OXR1: variants seen among roughly 807,000 people sequenced by gnomAD.
OXR1 encodes the protein oxidation resistance protein 1.
A neutral mutation model predicts 104.6 loss-of-function variants in OXR1; 41 were observed. That is an observed-to-expected ratio of 0.39 (90% CI 0.31 to 0.51). The LOEUF is 0.51. OXR1 is among the 20% of genes least tolerant of loss of function. The pLI is 0.77. For synonymous variants in OXR1, 348 were observed against 348.4 expected (o/e 1.00, Z 0.01); for missense variants, 955 against 1,031.9 (o/e 0.93, Z 1.02).
chr8:106,405,173 T>C lies in OXR1; in HGVS notation c.23+45537T>C, dbSNP rs1456626581. Among the ~76,000 whole-genome samples the C allele has an allele frequency of 3.2e-3, 113 of 35,182 alleles. 4 individuals carry two copies. The highest frequency in any genetic ancestry group is 0.019 in the African/African-American group (110 of 5,734). The allele number at this position is 35,182 out of a possible 152,430, so 23.1% of individuals were successfully genotyped here. A position where few individuals can be genotyped will look rare whatever the true frequency, so the allele number is the denominator to read the frequency against. ...ATATATATATATATATATATATATA[T>C]ATATATATATATATATATATATATA... On this transcript the variant is annotated intron_variant, in intron 2 of 16. Coordinates refer to ENST00000517566, the MANE Select transcript of OXR1 (RefSeq NM_001198533.2).
At chr8:106,410,003 C>T (rs1349799794) in intron 2 of OXR1, among the ~76,000 whole-genome samples, 2 of 139,304 alleles carry the variant, frequency 1.4e-5, no homozygotes, top group South Asian at 4.3e-4. Context: ...CACACAAACA[C>T]ACACACACAC....
At chr8:106,723,336 AAAATAAAATAC>A (rs1832998363) in intron 11 of OXR1, among the ~76,000 whole-genome samples, 1 of 152,046 alleles carries the variant, frequency 6.6e-6, no homozygotes, top group African/African-American at 2.4e-5. Flanking sequence ...CTAAAAATAT[AAAATAAAATAC>A]AATAGCCAGG....
intron 3 of OXR1, among the ~76,000 whole-genome samples, chr8:106,538,349 C>A (rs1443987806): frequency 6.6e-6 from 1 of 152,104 alleles, no homozygotes; most frequent in Non-Finnish European, 1.5e-5. Flanking sequence ...TTATCTTCAG[C>A]ATTGATTTGA....
intron 2 of OXR1, among the ~76,000 whole-genome samples, chr8:106,477,028 C>T (rs1821844659): frequency 6.6e-6 from 1 of 151,944 alleles, no homozygotes; most frequent in Non-Finnish European, 1.5e-5. Context: ...ATGCTGGATT[C>T]ACTTATCCTG....
chr8:106,665,554 A>C (rs1236013268), intron 3 of OXR1, among the ~76,000 whole-genome samples: 1 of 152,204 alleles, frequency 6.6e-6, no homozygotes, highest in African/African-American at 2.4e-5. Flanking sequence ...GAAAGTGTTA[A>C]AATTTGCTAG....
intron 1 of OXR1, among the ~76,000 whole-genome samples, chr8:106,350,225 T>C (rs1815667601): frequency 6.6e-6 from 1 of 152,218 alleles, no homozygotes; most frequent in Non-Finnish European, 1.5e-5. Context: ...GTTGTCTTTA[T>C]AGTTCATATA....
chr8:106,287,452 C>T (rs1448248734), intron 1 of OXR1, among the ~76,000 whole-genome samples: 1 of 152,040 alleles, frequency 6.6e-6, no homozygotes, highest in African/African-American at 2.4e-5. Flanking sequence ...CAGTGTCATC[C>T]AAGGTGTGGT....
intron 1 of OXR1, among the ~76,000 whole-genome samples, chr8:106,359,090 TC>T (rs1459931275): frequency 8.1e-6 from 1 of 122,850 alleles, no homozygotes. Flanking sequence ...TTTCTTTCTT[TC>T]TTTCTTTCTT....
intron 3 of OXR1, among the ~76,000 whole-genome samples, chr8:106,575,978 T>C (rs1817796189): frequency 8.7e-6 from 1 of 114,528 alleles, no homozygotes. Context: ...GAGATAGAAA[T>C]GTTTATAACA....
intron 13 of OXR1, among the ~76,000 whole-genome samples, chr8:106,739,935 G>A (rs1458179752): frequency 6.6e-6 from 1 of 152,114 alleles, no homozygotes; most frequent in Non-Finnish European, 1.5e-5. Context: ...ACTTGTTCAA[G>A]GTCACACAGG....
chr8:106,706,741 C>A lies in OXR1; in HGVS notation c.1220C>A (p.Thr407Asn). 6.2e-7 allele frequency: 1 copy of A among 1,612,028 alleles called. No homozygotes were observed. The highest frequency in any genetic ancestry group is 8.5e-7 in the Non-Finnish European group (1 of 1,179,508). Residue 407 changes from threonine to asparagine, a missense_variant, in exon 9 of 17, where the codon ACT becomes AAT. This residue lies in a region of OXR1 where 849 missense variants were observed against 852.9 expected (regional missense o/e 1.00). Coordinates refer to ENST00000517566, the MANE Select transcript of OXR1 (RefSeq NM_001198533.2). ...DTEHSTNEVG[T>N]LCHKTDLNNL... ...GAACATTCTACAAATGAAGTTGGGA[C>A]TTTATGTCATAAAACTGATTTAAAT...
intron 3 of OXR1, among the ~76,000 whole-genome samples, chr8:106,615,846 G>A (rs987850918): frequency 1.3e-5 from 2 of 152,014 alleles, no homozygotes; most frequent in Non-Finnish European, 2.9e-5. Flanking sequence ...CATCTCCCAG[G>A]GTGGTTGTGT....
chr8:106,304,448 T>G (rs1586498071), intron 1 of OXR1, among the ~76,000 whole-genome samples: 1 of 152,174 alleles, frequency 6.6e-6, no homozygotes. Context: ...AGAAGTTCAT[T>G]TTGTTTTAAA....
intron 7 of OXR1, among the ~76,000 whole-genome samples, chr8:106,699,872 T>G (rs144417367): frequency 6.6e-6 from 1 of 152,198 alleles, no homozygotes; most frequent in African/African-American, 2.4e-5. Flanking sequence ...TTATGGAAAC[T>G]TATTAACAAT....
intron 2 of OXR1, among the ~76,000 whole-genome samples, chr8:106,407,576 A>G (rs1818290411): frequency 6.6e-6 from 1 of 152,176 alleles, no homozygotes; most frequent in South Asian, 2.1e-4. Context: ...GAAATTCTCA[A>G]GAGTTAAACA....
At chr8:106,715,635 G>A (rs759427069) in intron 11 of OXR1, among the ~76,000 whole-genome samples, 2 of 151,978 alleles carry the variant, frequency 1.3e-5, no homozygotes, top group Non-Finnish European at 2.9e-5. Flanking sequence ...AGGATTCAGT[G>A]ACAACCTGGT....
At chr8:106,478,639 A>C (rs1186483569) in intron 2 of OXR1, among the ~76,000 whole-genome samples, 2 of 151,864 alleles carry the variant, frequency 1.3e-5, no homozygotes, top group African/African-American at 2.4e-5. Flanking sequence ...AGAATATTTT[A>C]GGATGACAGT....
intron 2 of OXR1, among the ~76,000 whole-genome samples, chr8:106,415,654 T>G (rs545901112): frequency 1.6e-4 from 25 of 152,046 alleles, no homozygotes; most frequent in Non-Finnish European, 3.2e-4. Flanking sequence ...AGTTACATAA[T>G]TAAGTTACTT....
At chr8:106,583,035 A>G (rs1248439061) in intron 3 of OXR1, among the ~76,000 whole-genome samples, 1 of 152,180 alleles carries the variant, frequency 6.6e-6, no homozygotes, top group Non-Finnish European at 1.5e-5. Context: ...CTATTGATTA[A>G]GTTTTTAGTT....
Sources: gnomAD v4.1 joint callset for allele counts (sites outside exome capture counted in the v4.1 genomes callset) on GRCh38, gnomAD v4.1.1 for gene constraint, gnomAD v4.1.1 regional missense constraint, MANE v1.5 for transcripts, NCBI Gene and HGNC (gene_info 2026-07-23, HGNC 2026-07-21) for gene names.